The following CSMD1 variants were observed in gnomAD, a reference collection of about 807,000 sequenced individuals.
The protein encoded by CSMD1 is CUB and Sushi multiple domains 1, also known as CUB and sushi domain-containing protein 1.
In CSMD1, 213 loss-of-function variants were observed where a neutral mutation model predicts 417.5. The ratio of observed to expected loss-of-function variants is 0.51; its 90% CI spans 0.46 to 0.57. The LOEUF (loss-of-function observed/expected upper bound fraction) is 0.57, where lower values mean the gene tolerates loss of function less well. Ranked by LOEUF, CSMD1 falls within the 20% of genes least tolerant of loss-of-function variation. The probability of loss-of-function intolerance (pLI) is 0.00; values close to 1 mark genes in which losing one functional copy is unlikely to be tolerated. For missense variants in CSMD1, 6,923 were observed against 4,529.7 expected, an observed-to-expected ratio of 1.53 and a Z score of -15.17; for synonymous variants, 2,862 against 1,736.8, an observed-to-expected ratio of 1.65 and a Z score of -16.11.
intron 1 of CSMD1, among the ~76,000 whole-genome samples, chr8:4,972,496 C>T (rs571394649): frequency 3.3e-5 from 5 of 152,224 alleles, no homozygotes; most frequent in African/African-American, 1.2e-4. Context: ...GAAGAAGGTG[C>T]CTGACTTCCC....
intron 12 of CSMD1, among the ~76,000 whole-genome samples, chr8:3,417,649 C>T (rs561741872): frequency 8.6e-5 from 13 of 151,170 alleles, no homozygotes; most frequent in Non-Finnish European, 1.5e-4. Context: ...CTTCCATTTT[C>T]GCTGAAGAGA....
At chr8:4,079,338 C>T (rs913712261) in intron 3 of CSMD1, among the ~76,000 whole-genome samples, 14 of 152,180 alleles carry the variant, frequency 9.2e-5, no homozygotes, top group Non-Finnish European at 1.5e-4. Flanking sequence ...TCCCTTGGAA[C>T]GAAATATACT....
chr8:4,081,005 CT>C (rs1233017990), intron 3 of CSMD1, among the ~76,000 whole-genome samples: 1 of 152,160 alleles, frequency 6.6e-6, no homozygotes, highest in Non-Finnish European at 1.5e-5. Flanking sequence ...TATTCATCCC[CT>C]TTTCGCCTTT....
intron 50 of CSMD1, among the ~76,000 whole-genome samples, chr8:3,033,636 A>G (rs904099707): frequency 6.7e-6 from 1 of 150,328 alleles, no homozygotes; most frequent in African/African-American, 2.4e-5. Context: ...CATTAGGACA[A>G]ATACTTAAAC....
chr8:3,035,411 C>T (rs1810611408), intron 50 of CSMD1, among the ~76,000 whole-genome samples: 1 of 152,092 alleles, frequency 6.6e-6, no homozygotes, highest in Non-Finnish European at 1.5e-5. Context: ...CAAGGAAGCC[C>T]AGGCTCACCC....
intron 29 of CSMD1, among the ~76,000 whole-genome samples, chr8:3,217,970 T>C (rs1022687714): frequency 1.3e-5 from 2 of 152,256 alleles, no homozygotes; most frequent in Non-Finnish European, 2.9e-5. Context: ...TCTTCCCTAA[T>C]TCTTTGTAAT....
intron 50 of CSMD1, among the ~76,000 whole-genome samples, chr8:3,041,359 C>T (rs1387733547): frequency 6.6e-6 from 1 of 152,078 alleles, no homozygotes; most frequent in East Asian, 1.9e-4. Context: ...ATATGTATTA[C>T]TTGTTCTCTG....
chr8:3,346,225 G>T (rs951247792), intron 22 of CSMD1, among the ~76,000 whole-genome samples: 4 of 152,066 alleles, frequency 2.6e-5, no homozygotes, highest in Middle Eastern at 3.4e-3. Flanking sequence ...ACAACTTTTT[G>T]TTATAATCAA....
At chr8:4,084,582 A>G (rs2130825237) in intron 3 of CSMD1, among the ~76,000 whole-genome samples, 2 of 152,280 alleles carry the variant, frequency 1.3e-5, no homozygotes, top group South Asian at 4.1e-4. Flanking sequence ...TCCTTAATCA[A>G]CCTTGTTGGG....
chr8:4,207,156 T>C (rs1800026911), intron 3 of CSMD1, among the ~76,000 whole-genome samples: 1 of 152,156 alleles, frequency 6.6e-6, no homozygotes, highest in Non-Finnish European at 1.5e-5. Context: ...GGATAATTTA[T>C]AGGTATAGTA....
intron 10 of CSMD1, among the ~76,000 whole-genome samples, chr8:3,501,803 C>G (rs1372079425): frequency 2.0e-5 from 3 of 152,128 alleles, no homozygotes; most frequent in African/African-American, 7.2e-5. Context: ...TAAATATTAT[C>G]AAATAATTTT....
At chr8:3,336,134 C>A (rs770461016) in intron 23 of CSMD1, among the ~76,000 whole-genome samples, 2 of 150,748 alleles carry the variant, frequency 1.3e-5, no homozygotes, top group Admixed American at 6.7e-5. Flanking sequence ...TTCTCCAAAC[C>A]TCTGTTCCCT....
chr8:4,405,303 C>G (rs532961814), intron 3 of CSMD1, among the ~76,000 whole-genome samples: 9 of 152,170 alleles, frequency 5.9e-5, no homozygotes, highest in Non-Finnish European at 1.2e-4. Context: ...ATTGAAATAA[C>G]TTCCACTTAG....
At chr8:3,896,469 A>G (rs984396364) in intron 5 of CSMD1, among the ~76,000 whole-genome samples, 2 of 152,118 alleles carry the variant, frequency 1.3e-5, no homozygotes, top group Admixed American at 1.3e-4. Context: ...AGTAAATTCA[A>G]TAAAAGGCTA....
At chr8:4,416,539 G>T (rs1056466750) in intron 3 of CSMD1, among the ~76,000 whole-genome samples, 12 of 152,150 alleles carry the variant, frequency 7.9e-5, no homozygotes, top group African/African-American at 2.9e-4. Context: ...TTTGATAATA[G>T]ATGCACGCAT....
intron 3 of CSMD1, among the ~76,000 whole-genome samples, chr8:4,109,718 C>T (rs1341038691): frequency 6.6e-6 from 1 of 152,084 alleles, no homozygotes; most frequent in Non-Finnish European, 1.5e-5. Context: ...TATGAAAAAT[C>T]TTAAAACAAC....
intron 1 of CSMD1, among the ~76,000 whole-genome samples, chr8:4,943,304 G>A (rs1808143975): frequency 6.6e-6 from 1 of 152,002 alleles, no homozygotes; most frequent in Non-Finnish European, 1.5e-5. Context: ...GATCGTCCTG[G>A]CTGACACTAT....
intron 1 of CSMD1, among the ~76,000 whole-genome samples, chr8:4,775,346 C>G (rs1166506588): frequency 6.6e-6 from 1 of 152,106 alleles, no homozygotes; most frequent in African/African-American, 2.4e-5. Flanking sequence ...GGAAGGAACA[C>G]TACGAATTTT....
intron 27 of CSMD1, among the ~76,000 whole-genome samples, chr8:3,226,975 C>T (rs997677417): frequency 6.6e-6 from 1 of 151,860 alleles, no homozygotes; most frequent in Admixed American, 6.6e-5. Flanking sequence ...TTTAAAATGC[C>T]AATTAAAACA....
Sources: gnomAD v4.1 joint callset for allele counts (sites outside exome capture counted in the v4.1 genomes callset) on GRCh38, gnomAD v4.1.1 for gene constraint, MANE v1.5 for transcripts, NCBI Gene and HGNC (gene_info 2026-07-23, HGNC 2026-07-21) for gene names.